NUP107: variants seen among roughly 807,000 people sequenced by gnomAD.
The protein encoded by NUP107 is nucleoporin 107.
A neutral mutation model predicts 141.0 loss-of-function variants in NUP107; 101 were observed. The observed-to-expected ratio is 0.72, with a 90% confidence interval of 0.61 to 0.84. The LOEUF is 0.84. Among genes scored for constraint, NUP107 ranks in the 40% least tolerant of loss-of-function variants. The probability of loss-of-function intolerance (pLI) is 0.00; values close to 1 mark genes in which losing one functional copy is unlikely to be tolerated. For missense variants in NUP107, 941 were observed against 1,102.7 expected (o/e 0.85, Z 2.08); for synonymous variants, 319 against 363.9 (o/e 0.88, Z 1.41).
At chr12:68,736,965 GT>G (rs1485493072) in intron 26 of NUP107, among the ~76,000 whole-genome samples, 3 of 152,052 alleles carry the variant, frequency 2.0e-5, no homozygotes, top group Non-Finnish European at 4.4e-5. Flanking sequence ...GCCTCCCAAA[GT>G]GCCTGAGATT....
chr12:68,706,168 G>A (rs1294527488), intron 8 of NUP107: 2 of 766,778 alleles, frequency 2.6e-6, no homozygotes, highest in Admixed American at 3.4e-5. Context: ...TCAAGAACAA[G>A]TACGAGGATG....
At chr12:68,723,849 T>C (rs976508541) in intron 17 of NUP107, among the ~76,000 whole-genome samples, 1 of 152,196 alleles carries the variant, frequency 6.6e-6, no homozygotes, top group Non-Finnish European at 1.5e-5. Flanking sequence ...TTTGTTCATA[T>C]CTTTTAGCTA....
In NUP107 at chr12:68,731,196, A is replaced by G; in HGVS notation, c.1821A>G (p.Leu607=). ...ACCTAGCTGTTGCCCAGTATGCATT[A>G]TTTTTGGAAAGTGTTACAGAATTTG... ...PQDLAVAQYA[L]FLESVTEFEQ... is the part of the protein sequence containing the mutation. The change falls in exon 21 of 28, where the codon TTA becomes TTG. Residue 607 remains leucine, a synonymous_variant. Transcript: ENST00000229179. The G allele has an allele frequency of 1.9e-6, 3 of 1,612,626 alleles. No individual in the cohort carries two copies. Among genetic ancestry groups the G allele is most frequent in the Non-Finnish European group, 2.5e-6 (3 of 1,179,294 alleles).
At chr12:68,738,750 C>T (rs1432167250) in intron 26 of NUP107, among the ~76,000 whole-genome samples, 3 of 152,120 alleles carry the variant, frequency 2.0e-5, no homozygotes, top group Admixed American at 6.5e-5. Context: ...CTTTCACTAC[C>T]TCTACCTCTA....
At chr12:68,741,113 A>G (rs1293873482) in intron 26 of NUP107, among the ~76,000 whole-genome samples, 1 of 152,042 alleles carries the variant, frequency 6.6e-6, no homozygotes, top group African/African-American at 2.4e-5. Flanking sequence ...TTACTTTCTA[A>G]TTATTTTAAT....
At chr12:68,721,560 A>G (rs1250721904) in intron 15 of NUP107, among the ~76,000 whole-genome samples, 1 of 152,154 alleles carries the variant, frequency 6.6e-6, no homozygotes, top group Non-Finnish European at 1.5e-5. Flanking sequence ...CTCCCTACAT[A>G]TTATAGCTAT....
At chr12:68,699,912 G>GT (rs1876244786) in intron 6 of NUP107, among the ~76,000 whole-genome samples, 5 of 151,638 alleles carry the variant, frequency 3.3e-5, no homozygotes, top group Admixed American at 2.6e-4. Flanking sequence ...TTTTGTTTTT[G>GT]TTTTTTTCTC....
chr12:68,704,169 T>C (rs1876467509), intron 8 of NUP107, among the ~76,000 whole-genome samples: 1 of 152,232 alleles, frequency 6.6e-6, no homozygotes, highest in African/African-American at 2.4e-5. Context: ...TCTTTTGCCC[T>C]TAGGATTCAA....
chr12:68,714,114 T>C (rs1876997562), intron 11 of NUP107: 1 of 232,132 alleles, frequency 4.3e-6, no homozygotes, highest in East Asian at 9.5e-5. Flanking sequence ...CTATGAAAGC[T>C]CTTTTATGTT....
At chr12:68,709,087 A>G (rs965152593) in intron 8 of NUP107, 151 bp from the exon 9 acceptor site, 16 of 531,510 alleles carry the variant, frequency 3.0e-5, no homozygotes, top group Non-Finnish European at 5.2e-5. Context: ...TTCAATGATG[A>G]ATATACAGAT....
At chr12:68,731,848 G>T (rs1877845982) in intron 22 of NUP107, 129 bp downstream of exon 22, 2 of 517,468 alleles carry the variant, frequency 3.9e-6, no homozygotes, top group Non-Finnish European at 6.7e-6. Context: ...GTCTTTGTCA[G>T]CCCAGACCTT....
intron 10 of NUP107, among the ~76,000 whole-genome samples, chr12:68,711,258 G>A (rs1037114927): frequency 2.6e-5 from 4 of 152,168 alleles, no homozygotes; most frequent in African/African-American, 4.8e-5. Flanking sequence ...GGCTGAGGCA[G>A]GAGAATCGCT....
chr12:68,730,996 C>T (rs1166671181), intron 20 of NUP107, 114 bp from the exon 21 acceptor site: 2 of 595,794 alleles, frequency 3.4e-6, no homozygotes, highest in Non-Finnish European at 5.4e-6. Context: ...TAAAATTATT[C>T]TGTTTAGCAA....
rs573885780 is a variant in NUP107, at chr12:68,742,530, G to T, written c.*68G>T. 5 of 833,286 alleles carry T rather than the reference G, an allele frequency of 6.0e-6. No homozygotes were observed. In the African/African-American group the frequency reaches 7.2e-5, roughly 12 times the overall value. The allele number at this position is 833,286 out of a possible 1,614,324, so 51.6% of individuals were successfully genotyped here. A position where few individuals can be genotyped will look rare whatever the true frequency, so the allele number is the denominator to read the frequency against. ...TTTTAATAAAATATACTTGTTATTA[G>T]TAATTTTTTCTTTTGCATTACCATG... On this transcript the variant is annotated 3_prime_UTR_variant, in exon 28 of 28. Coordinates refer to ENST00000229179, the MANE Select transcript of NUP107 (RefSeq NM_020401.4).
intron 5 of NUP107, among the ~76,000 whole-genome samples, chr12:68,694,344 T>C (rs1875946894): frequency 6.6e-6 from 1 of 152,246 alleles, no homozygotes. Context: ...TCTTAAGTAA[T>C]TGTTTATAAA....
Position 68,745,407 on chromosome 12 carries a change from T to A in NUP107, c.*2945T>A, listed in dbSNP as rs1439646337. ...CTGTAATATCTACAATATATAATCT[T>A]TCTTTATCGACTTAAGGAGGAAGGA... On this transcript the variant is annotated 3_prime_UTR_variant, in exon 28 of 28. Coordinates refer to ENST00000229179, the MANE Select transcript of NUP107 (RefSeq NM_020401.4). The A allele has an allele frequency of 1.3e-5, 2 of 152,270 alleles. No individual in the cohort carries two copies. The highest frequency in any genetic ancestry group is 2.9e-5 in the Non-Finnish European group (2 of 68,050). 9.4% of individuals were successfully genotyped at this position (152,270 alleles called of 1,614,324 possible).
Position 68,742,394 on chromosome 12 carries a change from C to T in NUP107, c.2710C>T (p.Leu904Phe). The change falls in exon 28 of 28, where the codon CTC becomes TTC. Residue 904 changes from leucine (L) to phenylalanine (F), a missense_variant. Physicochemically the swap from Leu to Phe is conservative, Grantham distance 22 (BLOSUM62 0). Coordinates refer to ENST00000229179, the MANE Select transcript of NUP107 (RefSeq NM_020401.4). ...KEELRKLLQK[L>F]RESSLMLLDQ... The stretch of plus-strand genomic sequence containing the variant: ...AGAGCTAAGGAAGTTGCTGCAGAAG[C>T]TCAGAGAGTCCTCTCTAATGCTCCT... 1 of 1,611,918 alleles carries T rather than the reference C, an allele frequency of 6.2e-7. No individual in the cohort carries two copies. The highest frequency in any genetic ancestry group is 8.5e-7 in the Non-Finnish European group (1 of 1,178,524).
Position 68,735,223 on chromosome 12 carries a change from T to C in NUP107, c.2389-8T>C. On this transcript the variant is annotated splice_polypyrimidine_tract_variant and splice_region_variant and intron_variant, in intron 25 of 27. Transcript: ENST00000229179. ...CCATTATATGTCTGCCTTGTGTTTG[T>C]TTTGCAGATGGATTTTGGTATTTGG... is the stretch of plus-strand genomic sequence containing the variant. The C allele has an allele frequency of 6.3e-7, 1 of 1,579,162 alleles. No individual in the cohort carries two copies. Among genetic ancestry groups the C allele is most frequent in the East Asian group, 2.2e-5 (1 of 44,674 alleles).
chr12:68,742,616 T>C lies in NUP107; in HGVS notation c.*154T>C. 1 of 413,736 alleles carries C rather than the reference T, an allele frequency of 2.4e-6. No individual in the cohort carries two copies. The highest frequency in any genetic ancestry group is 4.4e-6 in the Non-Finnish European group (1 of 229,616). The allele number at this position is 413,736 out of a possible 1,614,324, so 25.6% of individuals were successfully genotyped here. On this transcript the variant is annotated 3_prime_UTR_variant, in exon 28 of 28. Transcript: ENST00000229179. ...ATATTATCGTGACACTTTCAACATG[T>C]AGGGATATCAGCGTTTCTCTGTGTG...
Sources: allele counts gnomAD v4.1 joint callset (sites outside exome capture counted in the v4.1 genomes callset), GRCh38; gene constraint gnomAD v4.1.1; transcripts MANE v1.5; gene names NCBI Gene and HGNC (gene_info 2026-07-23, HGNC 2026-07-21).